The following LSMEM2 variants were observed in gnomAD, a reference collection of about 807,000 sequenced individuals.
LSMEM2 encodes leucine-rich single-pass membrane protein 2.
A neutral mutation model predicts 17.3 loss-of-function variants in LSMEM2; 20 were observed. The ratio of observed to expected loss-of-function variants is 1.16; its 90% CI spans 0.81 to 1.68. The LOEUF (loss-of-function observed/expected upper bound fraction) is 1.68, where lower values mean the gene tolerates loss of function less well. LSMEM2 is among the 40% of genes most tolerant of loss of function. LSMEM2 has a pLI of 0.00. For synonymous variants in LSMEM2, 94 were observed against 97.8 expected (o/e 0.96, Z 0.23); for missense variants, 207 against 214.3 (o/e 0.97, Z 0.21).
At chr3:50,284,393 G>A (rs1701469964) in intron 1 of LSMEM2, among the ~76,000 whole-genome samples, 1 of 151,836 alleles carries the variant, frequency 6.6e-6, no homozygotes, top group African/African-American at 2.4e-5. Flanking sequence ...CCCTGCGGGG[G>A]AGCTGTGGAC....
At chr3:50,283,433 C>G (rs1042412219) in intron 1 of LSMEM2, among the ~76,000 whole-genome samples, 1 of 152,052 alleles carries the variant, frequency 6.6e-6, no homozygotes, top group Admixed American at 6.6e-5. Flanking sequence ...CGAGACTATC[C>G]TGGCTAACAT....
chr3:50,279,229 A>G, intron 1 of LSMEM2, 58 bp downstream of exon 1: 1 of 1,518,806 alleles, frequency 6.6e-7, no homozygotes, highest in Non-Finnish European at 9.1e-7. Flanking sequence ...CTTGTGGACC[A>G]TGGAGAGACC....
chr3:50,285,866 T>G (rs1199075771), intron 1 of LSMEM2, among the ~76,000 whole-genome samples: 1 of 150,392 alleles, frequency 6.6e-6, no homozygotes, highest in Non-Finnish European at 1.5e-5. Context: ...GGGCGGGGAC[T>G]GCAAACAACC....
In LSMEM2 at chr3:50,280,264, C is replaced by T. The variant is rs587652776; in HGVS notation, c.58+1093C>T. Reference sequence around the variant, plus strand: ...CTGCCTCCCAGATTCAAGCTATTCTCCTGTCTCAGGCTCCCAAGTAGCTGG... The same window carrying T: ...CTGCCTCCCAGATTCAAGCTATTCTTCTGTCTCAGGCTCCCAAGTAGCTGG... On this transcript the variant is annotated intron_variant, in intron 1 of 3. Coordinates refer to ENST00000316436, the MANE Select transcript of LSMEM2 (RefSeq NM_153215.3). Among the ~76,000 whole-genome samples, 4 of 147,354 alleles carry T rather than the reference C, an allele frequency of 2.7e-5. No individual in the cohort carries two copies. In the South Asian group the frequency reaches 8.6e-4, roughly 32 times the overall value.
At chr3:50,284,779 T>C (rs1479389363) in intron 1 of LSMEM2, among the ~76,000 whole-genome samples, 2 of 151,562 alleles carry the variant, frequency 1.3e-5, no homozygotes, top group African/African-American at 2.4e-5. Context: ...CTCACGCCTG[T>C]AATCCCAGCA....
At chr3:50,285,280 G>A (rs771526987) in intron 1 of LSMEM2, among the ~76,000 whole-genome samples, 15 of 148,954 alleles carry the variant, frequency 1.0e-4, no homozygotes, top group Non-Finnish European at 1.6e-4. Flanking sequence ...GCAGTGAGCC[G>A]AGATCTTGCC....
At position 50,287,942 on chromosome 3, in the gene LSMEM2, G is replaced by A. The variant is rs781900138; in HGVS notation, c.*740G>A. 4 of 517,266 alleles carry A rather than the reference G, an allele frequency of 7.7e-6. No individual in the cohort carries two copies. Among genetic ancestry groups the A allele is most frequent in the Non-Finnish European group, 1.4e-5 (4 of 285,526 alleles). The allele number at this position is 517,266 out of a possible 1,614,324, so 32.0% of individuals were successfully genotyped here. On this transcript the variant is annotated 3_prime_UTR_variant, in exon 4 of 4. Transcript: ENST00000316436. ...AAGGCCCCCTAGTGCCTGCCCCACA[G>A]CCCTGAGGAAGGCACATATTTAGCC... is the stretch of plus-strand genomic sequence containing the variant.
rs587712263 is a variant in LSMEM2, at chr3:50,287,230, G to A, written c.*28G>A. On this transcript the variant is annotated 3_prime_UTR_variant, in exon 4 of 4. Transcript: ENST00000316436. ...TGCCATTTGGATCTGGGGCCTGGGG[G>A]TGTGTGTTGGTGGGGGAATAAAGTG... The A allele has an allele frequency of 3.1e-6, 5 of 1,612,436 alleles. No homozygotes were observed. The East Asian group carries it at 1.1e-4, about 36-fold the overall frequency.
intron 1 of LSMEM2, 52 bp downstream of exon 1, chr3:50,279,223 T>A (rs1553707488): frequency 1.3e-6 from 2 of 1,559,492 alleles, no homozygotes; most frequent in Non-Finnish European, 1.8e-6. Flanking sequence ...TGTGACCTTG[T>A]GGACCATGGA....
intron 1 of LSMEM2, among the ~76,000 whole-genome samples, chr3:50,281,510 CTG>C (rs1701396711): frequency 6.6e-6 from 1 of 151,674 alleles, no homozygotes; most frequent in African/African-American, 2.4e-5. Flanking sequence ...CTACAGGCGC[CTG>C]CCACCATACC....
chr3:50,286,518 GC>G lies in LSMEM2; in HGVS notation c.111del (p.Asn38ThrfsTer28). On this transcript the variant is annotated frameshift_variant, in exon 2 of 4. Coordinates refer to ENST00000316436, the MANE Select transcript of LSMEM2 (RefSeq NM_153215.3). LOFTEE classifies it high-confidence loss of function. ...MPSQRSRGPL[A>X]PNHVHEVCLH... Reference sequence around the variant, plus strand: ...CAGCCAGAGGAGCAGGGGGCCATTGGCCCCCAACCACGTGCATGAGGTATGC... The same window carrying G: ...CAGCCAGAGGAGCAGGGGGCCATTGGCCCCAACCACGTGCATGAGGTATGC... 3 of 1,611,496 alleles carry G rather than the reference GC, an allele frequency of 1.9e-6. No homozygotes were observed. Among genetic ancestry groups the G allele is most frequent in the Non-Finnish European group, 1.7e-6 (2 of 1,179,196 alleles).
At chr3:50,284,855 GTGAAACCTGGTTTCTAC>G (rs1462494751) in intron 1 of LSMEM2, among the ~76,000 whole-genome samples, 7 of 151,904 alleles carry the variant, frequency 4.6e-5, no homozygotes, top group African/African-American at 1.7e-4. Flanking sequence ...AGCCAGCATG[GTGAAACCTGGTTTCTAC>G]TGAAAATACA....
chr3:50,281,356 G>A lies in LSMEM2; in HGVS notation c.58+2185G>A, dbSNP rs587628425. ...ATTACAGGCATGGGCCACTGCGCCCGGCCCTTTTTTTTTTTTTTTTTTCTG... is the reference window on the plus strand; with the variant it reads ...ATTACAGGCATGGGCCACTGCGCCCAGCCCTTTTTTTTTTTTTTTTTTCTG... On this transcript the variant is annotated intron_variant, in intron 1 of 3. Transcript: ENST00000316436. Among the ~76,000 whole-genome samples, 56 of 141,798 alleles carry A rather than the reference G, an allele frequency of 3.9e-4. 1 individual carries two copies. The highest frequency in any genetic ancestry group is 8.0e-4 in the African/African-American group (30 of 37,506). 93.0% of individuals were successfully genotyped at this position (141,798 alleles called of 152,430 possible).
Position 50,287,098 on chromosome 3 carries a change from G to A in LSMEM2, c.391G>A (p.Ala131Thr), listed in dbSNP as rs782316026. 6.2e-7 allele frequency: 1 copy of A among 1,614,136 alleles called. No individual in the cohort carries two copies. The highest frequency in any genetic ancestry group is 8.5e-7 in the Non-Finnish European group (1 of 1,180,024). ...GCAGAGTGAATCCCTGCGCATCCTG[G>A]CACACACGCTCCGCACGCAGGAGGA... ...VLQSESLRILAHTLRTQEETL... is the reference protein window; with the variant it reads ...VLQSESLRILTHTLRTQEETL... The change falls in exon 4 of 4, where the codon GCA (alanine) becomes ACA (threonine). Residue 131 changes from alanine to threonine, a missense_variant. Ala to Thr is a moderately conservative substitution (Grantham distance 58). Coordinates refer to ENST00000316436, the MANE Select transcript of LSMEM2 (RefSeq NM_153215.3).
chr3:50,282,946 GGAGGCTGAGGT>G (rs1488607602), intron 1 of LSMEM2, among the ~76,000 whole-genome samples: 2 of 152,046 alleles, frequency 1.3e-5, no homozygotes, highest in African/African-American at 4.8e-5. Context: ...CAGCACTTTG[GGAGGCTGAGGT>G]GAGCAGATCA....
intron 1 of LSMEM2, among the ~76,000 whole-genome samples, chr3:50,279,532 G>T (rs2109258446): frequency 6.6e-6 from 1 of 152,314 alleles, no homozygotes; most frequent in African/African-American, 2.4e-5. Context: ...GATTGGGGTG[G>T]GTAGTGGTTC....
chr3:50,280,316 G>A (rs1701363375), intron 1 of LSMEM2, among the ~76,000 whole-genome samples: 2 of 150,416 alleles, frequency 1.3e-5, no homozygotes, highest in Non-Finnish European at 3.0e-5. Context: ...TACCATGCCC[G>A]GCTAATTTTT....
rs1480648114 is a variant in LSMEM2, at chr3:50,288,090, A to AAAT, written c.*891_*893dup. 17 of 1,136,984 alleles carry AAAT rather than the reference A, an allele frequency of 1.5e-5. No homozygotes were observed. The African/African-American group carries it at 2.2e-4, about 15-fold the overall frequency. The allele number at this position is 1,136,984 out of a possible 1,614,324, so 70.4% of individuals were successfully genotyped here. The stretch of plus-strand genomic sequence containing the variant: ...CTGTTTTTGGTTTTGTCATTAAAAA[A>AAAT]AATAAAGTGACAAATACTGGTGGAG... On this transcript the variant is annotated 3_prime_UTR_variant, in exon 4 of 4. Transcript: ENST00000316436.
rs1320719689 is a variant in LSMEM2, at chr3:50,288,113, G to A, written c.*911G>A. On this transcript the variant is annotated 3_prime_UTR_variant, in exon 4 of 4. Coordinates refer to ENST00000316436, the MANE Select transcript of LSMEM2 (RefSeq NM_153215.3). The stretch of plus-strand genomic sequence containing the variant: ...AAAAATAAAGTGACAAATACTGGTG[G>A]AGACCAGTTGTTGCACTGTCTTCTG... 11 of 1,204,262 alleles carry A rather than the reference G, an allele frequency of 9.1e-6. No individual in the cohort carries two copies. The highest frequency in any genetic ancestry group is 4.5e-5 in the African/African-American group (3 of 66,298). The allele number at this position is 1,204,262 out of a possible 1,614,324, so 74.6% of individuals were successfully genotyped here. A position where few individuals can be genotyped will look rare whatever the true frequency, so the allele number is the denominator to read the frequency against.
Sources: gnomAD v4.1 joint callset for allele counts (sites outside exome capture counted in the v4.1 genomes callset) on GRCh38, gnomAD v4.1.1 for gene constraint, MANE v1.5 for transcripts, NCBI Gene and HGNC (gene_info 2026-07-23, HGNC 2026-07-21) for gene names.